The following ZBTB44 variants were observed in gnomAD, a reference collection of about 807,000 sequenced individuals.
ZBTB44 encodes zinc finger and BTB domain-containing protein 44.
Under a neutral mutation model 54.0 loss-of-function variants are expected in ZBTB44, and 15 were observed. The ratio of observed to expected loss-of-function variants is 0.28; its 90% CI spans 0.19 to 0.43. The LOEUF (loss-of-function observed/expected upper bound fraction) is 0.43, where lower values mean the gene tolerates loss of function less well. Among genes scored for constraint, ZBTB44 ranks in the 20% least tolerant of loss-of-function variants. The probability of loss-of-function intolerance (pLI) is 1.00; values close to 1 mark genes in which losing one functional copy is unlikely to be tolerated. For synonymous variants in ZBTB44, 230 were observed against 250.1 expected (o/e 0.92, Z 0.76); for missense variants, 487 against 707.1 (o/e 0.69, Z 3.53).
intron 1 of ZBTB44, among the ~76,000 whole-genome samples, chr11:130,291,066 C>T (rs1415138582): frequency 6.6e-6 from 1 of 152,118 alleles, no homozygotes; most frequent in African/African-American, 2.4e-5. Context: ...TCCCTCCTCA[C>T]TGATCTCCAC....
At chr11:130,248,708 C>A (rs1334906784) in intron 2 of ZBTB44, among the ~76,000 whole-genome samples, 1 of 152,128 alleles carries the variant, frequency 6.6e-6, no homozygotes, top group African/African-American at 2.4e-5. Flanking sequence ...TGATTCAGAG[C>A]AGTTCCCATG....
At chr11:130,264,025 C>T (rs1321037227) in intron 1 of ZBTB44, among the ~76,000 whole-genome samples, 1 of 152,202 alleles carries the variant, frequency 6.6e-6, no homozygotes, top group Non-Finnish European at 1.5e-5. Context: ...AAAGCACAGA[C>T]TCTGGAGCCA....
intron 1 of ZBTB44, among the ~76,000 whole-genome samples, chr11:130,268,236 A>AAAAAAAAAAAAC (rs1164872557): frequency 6.9e-6 from 1 of 145,322 alleles, no homozygotes; most frequent in Non-Finnish European, 1.5e-5. Flanking sequence ...AAAAAAAAAA[A>AAAAAAAAAAAAC]GCGGGGGGTG....
chr11:130,313,116 A>G (rs1942721650), intron 1 of ZBTB44, among the ~76,000 whole-genome samples: 2 of 152,240 alleles, frequency 1.3e-5, no homozygotes, highest in African/African-American at 4.8e-5. Context: ...TCTATTGAGA[A>G]GTACGGTAGA....
chr11:130,233,158 A>C, intron 7 of ZBTB44, 150 bp downstream of exon 7: 1 of 984,566 alleles, frequency 1.0e-6, no homozygotes, highest in Non-Finnish European at 1.5e-6. Context: ...CAGCACGCCA[A>C]TATATGCAAG....
intron 1 of ZBTB44, among the ~76,000 whole-genome samples, chr11:130,276,369 G>A (rs911973292): frequency 6.6e-6 from 1 of 151,790 alleles, no homozygotes; most frequent in Admixed American, 6.6e-5. Context: ...ATAGATGTCA[G>A]TTAGGTCTAG....
intron 1 of ZBTB44, among the ~76,000 whole-genome samples, chr11:130,279,513 G>C (rs1461737311): frequency 6.6e-6 from 1 of 152,032 alleles, no homozygotes; most frequent in Non-Finnish European, 1.5e-5. Flanking sequence ...ACCAAAATTA[G>C]CTGGGCTTGG....
chr11:130,242,141 C>A (rs1459630837), intron 2 of ZBTB44, among the ~76,000 whole-genome samples: 1 of 152,154 alleles, frequency 6.6e-6, no homozygotes, highest in Non-Finnish European at 1.5e-5. Flanking sequence ...AATAAATATT[C>A]CATTTCTCCC....
intron 2 of ZBTB44, among the ~76,000 whole-genome samples, chr11:130,250,955 G>A (rs192661829): frequency 6.6e-6 from 1 of 152,320 alleles, no homozygotes; most frequent in East Asian, 1.9e-4. Context: ...CAAATCGACA[G>A]AAGTAGGCTT....
chr11:130,239,988 A>G, intron 2 of ZBTB44, 92 bp from the exon 3 acceptor site: 12 of 836,256 alleles, frequency 1.4e-5, no homozygotes, highest in Middle Eastern at 4.5e-4. Context: ...AGCCTCTGAC[A>G]TATATTATCT....
chr11:130,240,763 A>C (rs1329014209), intron 2 of ZBTB44, among the ~76,000 whole-genome samples: 1 of 152,196 alleles, frequency 6.6e-6, no homozygotes, highest in Non-Finnish European at 1.5e-5. Flanking sequence ...AAGTAATTTT[A>C]TCTTGAATAC....
intron 1 of ZBTB44, among the ~76,000 whole-genome samples, chr11:130,299,424 G>A (rs112160726): frequency 0.018 from 2,724 of 152,150 alleles, 22 homozygotes; most frequent in Non-Finnish European, 0.025. Flanking sequence ...ATAGTGGCAC[G>A]CACCTGTAAT....
In ZBTB44 at chr11:130,314,861, C is replaced by A. The variant is rs1942858221; in HGVS notation, c.-543G>T. On this transcript the variant is annotated 5_prime_UTR_variant, in exon 1 of 8. Coordinates refer to ENST00000357899, the MANE Select transcript of ZBTB44 (RefSeq NM_001301098.2). ...GCGCGCGTGCGGCCGGCGCCGCCGC[C>A]GTTGCCGCTCCGCTCACTCCAGCCT... The A allele has an allele frequency of 6.6e-6, 1 of 151,642 alleles. No homozygotes were observed. The highest frequency in any genetic ancestry group is 2.1e-4 in the South Asian group (1 of 4,808). 9.4% of individuals were successfully genotyped at this position (151,642 alleles called of 1,614,324 possible).
intron 1 of ZBTB44, among the ~76,000 whole-genome samples, chr11:130,303,617 A>G (rs1417502559): frequency 6.6e-6 from 1 of 152,178 alleles, no homozygotes; most frequent in African/African-American, 2.4e-5. Flanking sequence ...CCTGGGCAAC[A>G]AGAGCGAAAC....
At chr11:130,277,903 C>T (rs1436415191) in intron 1 of ZBTB44, among the ~76,000 whole-genome samples, 1 of 152,098 alleles carries the variant, frequency 6.6e-6, no homozygotes, top group Admixed American at 6.5e-5. Context: ...AGTTTTCTTC[C>T]CTCGTCCTTT....
chr11:130,285,891 C>T (rs1940925708), intron 1 of ZBTB44: 1 of 153,020 alleles, frequency 6.5e-6, no homozygotes, highest in Non-Finnish European at 1.5e-5. Flanking sequence ...GGGTAATGCT[C>T]CAGCCACTGA....
chr11:130,235,051 GTGAAATAAGTCTTATCTTAGAGGC>G (rs1341346370), intron 5 of ZBTB44, among the ~76,000 whole-genome samples: 4 of 152,128 alleles, frequency 2.6e-5, no homozygotes, highest in Non-Finnish European at 5.9e-5. Context: ...AACTAAGTAT[GTGAAATAAGTCTTATCTTAGAGGC>G]TTTATTTAAA....
chr11:130,267,713 T>C (rs980283740), intron 1 of ZBTB44, among the ~76,000 whole-genome samples: 10 of 152,154 alleles, frequency 6.6e-5, no homozygotes, highest in African/African-American at 2.4e-4. Context: ...ACTCTGATTT[T>C]GAAAGAAGTC....
intron 1 of ZBTB44, chr11:130,296,925 A>T: frequency 1.4e-6 from 1 of 736,358 alleles, no homozygotes; most frequent in South Asian, 1.5e-5. Flanking sequence ...TGTCAATGGC[A>T]ATGAAGGCAA....
Sources: allele counts gnomAD v4.1 joint callset (sites outside exome capture counted in the v4.1 genomes callset), GRCh38; gene constraint gnomAD v4.1.1; transcripts MANE v1.5; gene names NCBI Gene and HGNC (gene_info 2026-07-23, HGNC 2026-07-21).